ATF7IP2: variants seen among roughly 807,000 people sequenced by gnomAD.
The protein encoded by ATF7IP2 is activating transcription factor 7 interacting protein 2.
A neutral mutation model predicts 64.2 loss-of-function variants in ATF7IP2; 42 were observed. That is an observed-to-expected ratio of 0.65 (90% CI 0.51 to 0.85). The LOEUF is 0.85. Ranked by LOEUF, ATF7IP2 falls within the 40% of genes least tolerant of loss-of-function variation. The pLI is 0.00. For missense variants in ATF7IP2, 933 were observed against 784.2 expected (o/e 1.19, Z -2.27); for synonymous variants, 308 against 272.8 (o/e 1.13, Z -1.27).
intron 8 of ATF7IP2, among the ~76,000 whole-genome samples, chr16:10,451,185 C>T (rs2048973205): frequency 6.6e-6 from 1 of 152,232 alleles, no homozygotes; most frequent in Non-Finnish European, 1.5e-5. Flanking sequence ...GAGAGAGCTG[C>T]TGTTAGTCTG....
intron 8 of ATF7IP2, among the ~76,000 whole-genome samples, chr16:10,444,376 G>A (rs1313434371): frequency 6.6e-6 from 1 of 152,004 alleles, no homozygotes; most frequent in South Asian, 2.1e-4. Context: ...AGTGGTTAGG[G>A]GCACTAGATA....
intron 1 of ATF7IP2, among the ~76,000 whole-genome samples, chr16:10,391,742 CA>C (rs1444543698): frequency 6.6e-6 from 1 of 151,806 alleles, no homozygotes; most frequent in East Asian, 1.9e-4. Context: ...TACTAAAATA[CA>C]AAAATTAGCT....
rs1185329907 is a variant in ATF7IP2, at chr16:10,416,614, G to A, written c.-203+2002G>A. On this transcript the variant is annotated intron_variant, in intron 2 of 13. Transcript: ENST00000562102. Reference sequence around the variant, plus strand: ...TCAAGACCAGCCTGGCCAACATGGCGAAACTGCCTCTCTACTAAAAAACAC... The same window carrying A: ...TCAAGACCAGCCTGGCCAACATGGCAAAACTGCCTCTCTACTAAAAAACAC... Among the ~76,000 whole-genome samples, 7 of 152,106 alleles carry A rather than the reference G, an allele frequency of 4.6e-5. No homozygotes were observed. The South Asian group carries it at 8.3e-4, about 18-fold the overall frequency.
chr16:10,414,110 G>A (rs1294252306), intron 1 of ATF7IP2, among the ~76,000 whole-genome samples: 2 of 152,140 alleles, frequency 1.3e-5, no homozygotes, highest in Non-Finnish European at 2.9e-5. Flanking sequence ...TGAGCTTACT[G>A]TATTTGGATA....
intron 1 of ATF7IP2, among the ~76,000 whole-genome samples, chr16:10,404,684 T>G (rs1193924337): frequency 6.6e-6 from 1 of 152,150 alleles, no homozygotes; most frequent in African/African-American, 2.4e-5. Flanking sequence ...ACTACAAGCA[T>G]GTGCCACCAT....
intron 9 of ATF7IP2, among the ~76,000 whole-genome samples, chr16:10,460,688 G>T (rs558561815): frequency 6.6e-6 from 1 of 152,104 alleles, no homozygotes; most frequent in African/African-American, 2.4e-5. Flanking sequence ...CCTTTGTAAA[G>T]CTATACAAAA....
chr16:10,429,946 G>A (rs1423808858), intron 4 of ATF7IP2, among the ~76,000 whole-genome samples: 1 of 151,356 alleles, frequency 6.6e-6, no homozygotes, highest in Non-Finnish European at 1.5e-5. Context: ...TCCACCTCCC[G>A]GGTTCGAGTG....
chr16:10,440,623 T>G (rs901403510), intron 8 of ATF7IP2, among the ~76,000 whole-genome samples, 161 bp downstream of exon 8: 7 of 152,256 alleles, frequency 4.6e-5, no homozygotes, highest in African/African-American at 1.7e-4. Flanking sequence ...AAGACACCCT[T>G]AGGTAGTACA....
chr16:10,434,712 A>G (rs1229354345), intron 6 of ATF7IP2, among the ~76,000 whole-genome samples: 3 of 152,166 alleles, frequency 2.0e-5, no homozygotes, highest in Non-Finnish European at 4.4e-5. Context: ...TCCTAGCCCT[A>G]AGGACCATGT....
chr16:10,392,639 A>G (rs558497233), intron 1 of ATF7IP2, among the ~76,000 whole-genome samples: 1 of 152,248 alleles, frequency 6.6e-6, no homozygotes, highest in South Asian at 2.1e-4. Context: ...ATCAACACCC[A>G]ATAAAATAGA....
chr16:10,441,955 G>A (rs527574862), intron 8 of ATF7IP2, among the ~76,000 whole-genome samples: 2 of 152,240 alleles, frequency 1.3e-5, no homozygotes, highest in African/African-American at 4.8e-5. Context: ...CATCAGTCAT[G>A]ATCGCAAAAG....
At chr16:10,478,069 A>C (rs1439313808) in intron 12 of ATF7IP2, among the ~76,000 whole-genome samples, 7 of 151,272 alleles carry the variant, frequency 4.6e-5, no homozygotes, top group Non-Finnish European at 7.4e-5. Context: ...ATGAAAATGG[A>C]CATACTGCCC....
At position 10,442,829 on chromosome 16, in the gene ATF7IP2, C is replaced by T. The variant is rs534305646; in HGVS notation, c.1194+2367C>T. Among the ~76,000 whole-genome samples the T allele has an allele frequency of 2.2e-4, 33 of 152,254 alleles. 2 individuals are homozygous for T. The South Asian group carries it at 6.2e-3, about 29-fold the overall frequency. On this transcript the variant is annotated intron_variant, in intron 8 of 13. Transcript: ENST00000562102. ...TTAATGGCATCCTTAGTATAACTGA[C>T]AAATTGTTGTTGGTTATAGTAGATA...
chr16:10,471,310 C>G (rs923276416), intron 9 of ATF7IP2, among the ~76,000 whole-genome samples: 13 of 151,946 alleles, frequency 8.6e-5, no homozygotes, highest in African/African-American at 3.1e-4. Context: ...GGCGGATCAC[C>G]TGAGGTCAGG....
At chr16:10,400,742 C>T (rs570130737) in intron 1 of ATF7IP2, among the ~76,000 whole-genome samples, 66 of 152,210 alleles carry the variant, frequency 4.3e-4, no homozygotes, top group Admixed American at 2.6e-3. Flanking sequence ...AGTGCAGTGG[C>T]ACGATCTTGG....
chr16:10,468,911 T>C (rs1034019104), intron 9 of ATF7IP2, among the ~76,000 whole-genome samples: 4 of 152,190 alleles, frequency 2.6e-5, no homozygotes, highest in Admixed American at 6.5e-5. Context: ...CAGATGGTTA[T>C]TGCTTTAGTG....
chr16:10,464,667 T>C (rs1184216395), intron 9 of ATF7IP2, among the ~76,000 whole-genome samples: 1 of 152,180 alleles, frequency 6.6e-6, no homozygotes, highest in Non-Finnish European at 1.5e-5. Context: ...GAATAAAATA[T>C]TAATCCTGCC....
chr16:10,392,822 TTAAAA>T, intron 1 of ATF7IP2, among the ~76,000 whole-genome samples: 1 of 147,200 alleles, frequency 6.8e-6, no homozygotes, highest in South Asian at 2.2e-4. Flanking sequence ...GACTCTGTCT[TTAAAA>T]AAAAAAAAAA....
intron 1 of ATF7IP2, among the ~76,000 whole-genome samples, chr16:10,407,582 G>A (rs1159051590): frequency 6.6e-6 from 1 of 152,104 alleles, no homozygotes; most frequent in Non-Finnish European, 1.5e-5. Flanking sequence ...TGCTAACAGT[G>A]AATGATATGT....
Sources: allele counts gnomAD v4.1 joint callset (sites outside exome capture counted in the v4.1 genomes callset), GRCh38; gene constraint gnomAD v4.1.1; transcripts MANE v1.5; gene names NCBI Gene and HGNC (gene_info 2026-07-23, HGNC 2026-07-21).